The following DLGAP2 variants were observed in gnomAD, a reference collection of about 807,000 sequenced individuals.
DLGAP2 encodes the protein disks large-associated protein 2.
A neutral mutation model predicts 100.3 loss-of-function variants in DLGAP2; 26 were observed. That is an observed-to-expected ratio of 0.26 (90% CI 0.19 to 0.36). The LOEUF (loss-of-function observed/expected upper bound fraction) is 0.36. Ranked by LOEUF, DLGAP2 falls within the 10% of genes least tolerant of loss-of-function variation. DLGAP2 has a pLI of 1.00. For synonymous variants in DLGAP2, 886 were observed against 630.1 expected, an observed-to-expected ratio of 1.41 and a Z score of -6.08; for missense variants, 1,858 against 1,453.2, an observed-to-expected ratio of 1.28 and a Z score of -4.53.
intron 8 of DLGAP2, among the ~76,000 whole-genome samples, chr8:1,655,414 C>T (rs1798260908): frequency 6.6e-6 from 1 of 152,160 alleles, no homozygotes; most frequent in Non-Finnish European, 1.5e-5. Flanking sequence ...GCAATGAATG[C>T]AAGTGTGGCT....
chr8:1,676,854 A>T (rs1451705568), intron 11 of DLGAP2, among the ~76,000 whole-genome samples: 1 of 152,248 alleles, frequency 6.6e-6, no homozygotes, highest in Admixed American at 6.5e-5. Context: ...CACCTCTGAA[A>T]GCAGAGCAGC....
chr8:1,205,127 A>G (rs1585150582), intron 2 of DLGAP2, among the ~76,000 whole-genome samples: 1 of 152,312 alleles, frequency 6.6e-6, no homozygotes, highest in Non-Finnish European at 1.5e-5. Context: ...GAATTTCTGC[A>G]TCTCACGTCC....
intron 2 of DLGAP2, among the ~76,000 whole-genome samples, chr8:1,103,422 G>T (rs1246404907): frequency 6.6e-6 from 1 of 151,522 alleles, no homozygotes; most frequent in Non-Finnish European, 1.5e-5. Flanking sequence ...GGTGATGACT[G>T]GCAGGGCTTT....
chr8:1,363,451 C>T (rs1438962353), intron 3 of DLGAP2, among the ~76,000 whole-genome samples: 1 of 152,220 alleles, frequency 6.6e-6, no homozygotes, highest in Non-Finnish European at 1.5e-5. Context: ...CCCTCCGTCC[C>T]CCACACGCGT....
At chr8:956,167 A>G (rs1050350518) in intron 2 of DLGAP2, among the ~76,000 whole-genome samples, 3 of 152,150 alleles carry the variant, frequency 2.0e-5, no homozygotes, top group African/African-American at 7.2e-5. Flanking sequence ...CGTCTGGTGC[A>G]TTTCTTTTGA....
At chr8:1,375,382 A>C (rs202120535) in intron 3 of DLGAP2, among the ~76,000 whole-genome samples, 2 of 45,796 alleles carry the variant, frequency 4.4e-5, no homozygotes, top group Admixed American at 2.3e-4. Flanking sequence ...CCCACCTCCT[A>C]CATTTGGGTT....
intron 6 of DLGAP2, among the ~76,000 whole-genome samples, chr8:1,592,790 T>C (rs1796330683): frequency 6.6e-6 from 1 of 152,178 alleles, no homozygotes; most frequent in South Asian, 2.1e-4. Context: ...CTTTTTATTA[T>C]CCCACAGTAA....
At chr8:1,048,918 A>G (rs1335325373) in intron 2 of DLGAP2, among the ~76,000 whole-genome samples, 1 of 152,210 alleles carries the variant, frequency 6.6e-6, no homozygotes. Flanking sequence ...TTAAAACTGC[A>G]TGAACAGACT....
At chr8:1,373,903 T>G (rs6997206) in intron 3 of DLGAP2, 1 of 152,502 alleles carries the variant, frequency 6.6e-6, no homozygotes, top group African/African-American at 2.4e-5. Flanking sequence ...ACAAATGGAA[T>G]GAGTGTAACG....
At chr8:1,038,558 C>T (rs573725176) in intron 2 of DLGAP2, among the ~76,000 whole-genome samples, 4 of 152,298 alleles carry the variant, frequency 2.6e-5, no homozygotes, top group South Asian at 2.1e-4. Flanking sequence ...AAATATTAAA[C>T]GTTAGGAGTA....
At chr8:880,344 T>C (rs897452832) in intron 1 of DLGAP2, among the ~76,000 whole-genome samples, 1 of 152,212 alleles carries the variant, frequency 6.6e-6, no homozygotes, top group Non-Finnish European at 1.5e-5. Flanking sequence ...TGCTTCTGTC[T>C]CACATGAGAC....
At chr8:904,404 C>T (rs1311339648) in intron 1 of DLGAP2, among the ~76,000 whole-genome samples, 1 of 152,136 alleles carries the variant, frequency 6.6e-6, no homozygotes, top group Non-Finnish European at 1.5e-5. Context: ...CCTGTAATCC[C>T]AGTGACTAGG....
rs148914357 is a variant in DLGAP2 at position 1,471,893 on chromosome 8, C to T, written c.107-29473C>T. ...ACAGTTGAATGGGGCTCTGCGCAGG[C>T]CTGCGGTCCGTAAACGGTTGTGATT... is the stretch of plus-strand genomic sequence containing the variant. On this transcript the variant is annotated intron_variant, in intron 3 of 14. Transcript: ENST00000637795. 3.3e-3 allele frequency among the ~76,000 whole-genome samples: 508 copies of T among 152,340 alleles called. 1 individual carries two copies. The highest frequency in any genetic ancestry group is 0.029 in the East Asian group (148 of 5,176).
intron 2 of DLGAP2, among the ~76,000 whole-genome samples, chr8:1,074,403 G>C (rs1027163802): frequency 1.1e-4 from 16 of 152,238 alleles, no homozygotes; most frequent in Admixed American, 1.3e-4. Flanking sequence ...TTTCTCTTCA[G>C]CCTTTCAGTT....
intron 1 of DLGAP2, among the ~76,000 whole-genome samples, chr8:793,745 G>A (rs1360975138): frequency 6.6e-6 from 1 of 152,184 alleles, no homozygotes; most frequent in Non-Finnish European, 1.5e-5. Context: ...TCTCCTGTGT[G>A]CCCAGGCTGT....
intron 1 of DLGAP2, among the ~76,000 whole-genome samples, chr8:849,290 A>G (rs1797136165): frequency 1.3e-5 from 2 of 152,244 alleles, no homozygotes; most frequent in Admixed American, 6.5e-5. Flanking sequence ...CTGTTCCAGT[A>G]TAGGAACGTG....
chr8:809,101 C>A (rs778224747), intron 1 of DLGAP2, among the ~76,000 whole-genome samples: 2 of 151,952 alleles, frequency 1.3e-5, no homozygotes, highest in Non-Finnish European at 2.9e-5. Context: ...GACAGGATTT[C>A]ACCATGTTGG....
chr8:1,337,441 A>G (rs112895092), intron 3 of DLGAP2, among the ~76,000 whole-genome samples: 105 of 920 alleles, frequency 0.11, no homozygotes, highest in African/African-American at 0.22. Context: ...GGTGATGATG[A>G]TGATGGTGAT....
chr8:1,501,013 A>G (rs1799703546), intron 3 of DLGAP2, among the ~76,000 whole-genome samples: 1 of 152,172 alleles, frequency 6.6e-6, no homozygotes, highest in African/African-American at 2.4e-5. Context: ...GAACCGGGGA[A>G]AATTAGAGTG....
Sources: gnomAD v4.1 joint callset for allele counts (sites outside exome capture counted in the v4.1 genomes callset) on GRCh38, gnomAD v4.1.1 for gene constraint, MANE v1.5 for transcripts, NCBI Gene and HGNC (gene_info 2026-07-23, HGNC 2026-07-21) for gene names.